The following CD99L2 variants were observed in gnomAD, a reference collection of about 807,000 sequenced individuals.
The protein encoded by CD99L2 is CD99 molecule like 2.
In CD99L2, 24 loss-of-function variants were observed where a neutral mutation model predicts 27.3. That is an observed-to-expected ratio of 0.88 (90% CI 0.64 to 1.24). The LOEUF is 1.24. Ranked by LOEUF, CD99L2 falls within the 50% of genes most tolerant of loss-of-function variation. The pLI is 0.00. For missense variants in CD99L2, 255 were observed against 221.6 expected (o/e 1.15, Z -0.96); for synonymous variants, 97 against 87.9 (o/e 1.10, Z -0.58).
intron 1 of CD99L2, among the ~76,000 whole-genome samples, chrX:150,877,414 C>G (rs2047246596): frequency 8.9e-6 from 1 of 111,792 alleles, no homozygotes; most frequent in Admixed American, 9.5e-5. Flanking sequence ...CCAGTAGAAT[C>G]AGATAAGAGA....
intron 1 of CD99L2, among the ~76,000 whole-genome samples, chrX:150,834,225 G>A (rs782736753): frequency 8.9e-6 from 1 of 112,081 alleles, no homozygotes; most frequent in Non-Finnish European, 1.9e-5. Flanking sequence ...TGGGCACAGT[G>A]GCTCATGCTT....
chrX:150,852,150 G>A (rs1445364522), intron 1 of CD99L2, among the ~76,000 whole-genome samples: 4 of 112,162 alleles, frequency 3.6e-5, no homozygotes, highest in Non-Finnish European at 5.6e-5. Context: ...GTGTGCCAGG[G>A]TGGTGAACTT....
chrX:150,889,919 G>A lies in CD99L2; in HGVS notation c.67+8603C>T, dbSNP rs186680940. On this transcript the variant is annotated intron_variant, in intron 1 of 10. Transcript: ENST00000370377. ...TGTAATCCCAGCACTTTGGGAGGCC[G>A]AGGCGGGCGGATCACAAGGTCAGGA... is the stretch of plus-strand genomic sequence containing the variant. Among the ~76,000 whole-genome samples, 420 of 107,710 alleles carry A rather than the reference G, an allele frequency of 3.9e-3. 1 individual carries two copies. The highest frequency in any genetic ancestry group is 0.014 in the African/African-American group (405 of 29,526). The allele number at this position is 107,710 out of a possible 115,157, so 93.5% of individuals were successfully genotyped here.
rs375307484 is a variant in CD99L2, at chrX:150,770,292, C to A, written c.721+12G>T. On this transcript the variant is annotated intron_variant, in intron 10 of 10. Transcript: ENST00000370377. ...AAGCGTCAGCAAGGGACAGTGAGTA[C>A]AAAGTTCTCACCTTGGGGTTCCTCA... 8.3e-7 allele frequency: 1 copy of A among 1,209,423 alleles called. No homozygotes were observed. Among genetic ancestry groups the A allele is most frequent in the Non-Finnish European group, 1.1e-6 (1 of 893,071 alleles).
intron 4 of CD99L2, among the ~76,000 whole-genome samples, chrX:150,807,564 T>C (rs2046013583): frequency 8.9e-6 from 1 of 112,524 alleles, no homozygotes; most frequent in Admixed American, 9.4e-5. Context: ...AGTTCTCCAG[T>C]TCTAATCTAG....
intron 2 of CD99L2, among the ~76,000 whole-genome samples, chrX:150,819,491 T>TAAAGC (rs1308356089): frequency 9.0e-6 from 1 of 110,521 alleles, no homozygotes; most frequent in African/African-American, 3.3e-5. Context: ...AAACTAAACC[T>TAAAGC]AAAGCAGGCA....
chrX:150,889,805 A>C (rs1450542208), intron 1 of CD99L2, among the ~76,000 whole-genome samples: 7 of 112,782 alleles, frequency 6.2e-5, no homozygotes, highest in African/African-American at 1.9e-4. Flanking sequence ...AAACTGGTTG[A>C]AGTGGAGTTG....
At chrX:150,848,741 T>C (rs781790435) in intron 1 of CD99L2, among the ~76,000 whole-genome samples, 26 of 111,148 alleles carry the variant, frequency 2.3e-4, no homozygotes, top group Non-Finnish European at 4.3e-4. Flanking sequence ...GAGGATGAGC[T>C]GACCAACCTC....
At chrX:150,850,276 C>A (rs1325924503) in intron 1 of CD99L2, among the ~76,000 whole-genome samples, 1 of 111,724 alleles carries the variant, frequency 9.0e-6, no homozygotes, top group African/African-American at 3.3e-5. Context: ...CATTCCAGCC[C>A]ACATGTGTCC....
chrX:150,827,097 C>G (rs1451185235), intron 2 of CD99L2, among the ~76,000 whole-genome samples: 4 of 111,032 alleles, frequency 3.6e-5, no homozygotes, highest in African/African-American at 6.5e-5. Flanking sequence ...CACCTAGCAG[C>G]AAGCCGGCAC....
chrX:150,797,934 A>C (rs1473074949), intron 4 of CD99L2, among the ~76,000 whole-genome samples: 1 of 104,643 alleles, frequency 9.6e-6, no homozygotes, highest in Admixed American at 1.1e-4. Context: ...GGTTCCAGCT[A>C]CTTGAGAGGC....
intron 1 of CD99L2, among the ~76,000 whole-genome samples, chrX:150,895,018 T>G (rs782124151): frequency 8.9e-6 from 1 of 112,016 alleles, no homozygotes; most frequent in South Asian, 3.7e-4. Context: ...TTCAGCTAAG[T>G]GTTAAGTTCC....
At chrX:150,870,569 T>C (rs1306582912) in intron 1 of CD99L2, among the ~76,000 whole-genome samples, 1 of 111,740 alleles carries the variant, frequency 8.9e-6, no homozygotes, top group Non-Finnish European at 1.9e-5. Flanking sequence ...TACTAATCAA[T>C]GCATCAAACC....
At chrX:150,819,167 C>T (rs1447597592) in intron 2 of CD99L2, 2 of 365,156 alleles carry the variant, frequency 5.5e-6, no homozygotes, top group African/African-American at 2.5e-5. Flanking sequence ...ATGAATGCCA[C>T]AGAAGCCATG....
At chrX:150,870,189 A>C (rs2047135100) in intron 1 of CD99L2, among the ~76,000 whole-genome samples, 1 of 108,928 alleles carries the variant, frequency 9.2e-6, no homozygotes, top group African/African-American at 3.4e-5. Context: ...GGCTATGCTA[A>C]ATTCTGCTTA....
Position 150,776,402 on chromosome X carries a change from C to G in CD99L2, c.536-109G>C, listed in dbSNP as rs980885695. On this transcript the variant is annotated intron_variant, in intron 8 of 10. Coordinates refer to ENST00000370377, the MANE Select transcript of CD99L2 (RefSeq NM_031462.4). The stretch of plus-strand genomic sequence containing the variant: ...TCTAGCACCAAACTACTAGACGCCC[C>G]CAACCCCCAAGCCAGCAGGAGAGGG... 7 of 914,911 alleles carry G rather than the reference C, an allele frequency of 7.7e-6. No homozygotes were observed. In the African/African-American group the frequency reaches 1.4e-4, roughly 18 times the overall value. 75.4% of individuals were successfully genotyped at this position (914,911 alleles called of 1,213,427 possible).
chrX:150,777,956 C>G (rs1360812671), intron 7 of CD99L2, among the ~76,000 whole-genome samples: 2 of 112,044 alleles, frequency 1.8e-5, no homozygotes, highest in Non-Finnish European at 3.8e-5. Flanking sequence ...CTCACAATCC[C>G]TTATCCACTA....
At chrX:150,856,788 G>A (rs1557421763) in intron 1 of CD99L2, among the ~76,000 whole-genome samples, 2 of 110,095 alleles carry the variant, frequency 1.8e-5, no homozygotes. Flanking sequence ...TGAAATCCCA[G>A]AAAAAGAATT....
At chrX:150,868,777 G>A (rs2047110619) in intron 1 of CD99L2, among the ~76,000 whole-genome samples, 1 of 111,980 alleles carries the variant, frequency 8.9e-6, no homozygotes, top group African/African-American at 3.2e-5. Flanking sequence ...ATCAGCCTGG[G>A]TTTTAAGAGG....
Sources: gnomAD v4.1 joint callset for allele counts (sites outside exome capture counted in the v4.1 genomes callset) on GRCh38, gnomAD v4.1.1 for gene constraint, MANE v1.5 for transcripts, NCBI Gene and HGNC (gene_info 2026-07-23, HGNC 2026-07-21) for gene names.